TENM3: variants seen among roughly 807,000 people sequenced by gnomAD.
The protein encoded by TENM3 is teneurin-3.
In TENM3, 63 loss-of-function variants were observed where a neutral mutation model predicts 255.1. The ratio of observed to expected loss-of-function variants is 0.25; its 90% CI spans 0.20 to 0.30. The LOEUF (loss-of-function observed/expected upper bound fraction) is 0.30, where lower values mean the gene tolerates loss of function less well. Among genes scored for constraint, TENM3 ranks in the 10% least tolerant of loss-of-function variants. The pLI, the probability that TENM3 is intolerant of heterozygous loss-of-function variation, is 1.00. For synonymous variants in TENM3, 1,306 were observed against 1,322.3 expected, an observed-to-expected ratio of 0.99 and a Z score of 0.27; for missense variants, 2,929 against 3,461.1, an observed-to-expected ratio of 0.85 and a Z score of 3.86.
At chr4:181,520,827 G>A in the TENM3 span, among the ~76,000 whole-genome samples, 1,411 of 152,162 alleles carry the variant, frequency 9.3e-3, 25 homozygotes, top group African/African-American at 0.032. Context: ...ACAATTTCAC[G>A]ACCCCAGAAG....
the TENM3 span, among the ~76,000 whole-genome samples, chr4:181,901,601 T>C: frequency 1.3e-5 from 2 of 152,228 alleles, no homozygotes; most frequent in African/African-American, 4.8e-5. Flanking sequence ...ATGTGCTCTA[T>C]AATATTTGCA....
the TENM3 span, among the ~76,000 whole-genome samples, chr4:181,739,110 A>G: frequency 1.3e-5 from 2 of 152,194 alleles, no homozygotes; most frequent in Non-Finnish European, 2.9e-5. Context: ...TTCAGTCAGA[A>G]GCTAGCCTGG....
At chr4:181,874,873 CA>C in the TENM3 span, among the ~76,000 whole-genome samples, 2 of 152,238 alleles carry the variant, frequency 1.3e-5, no homozygotes, top group Non-Finnish European at 2.9e-5. Flanking sequence ...GGCAGGGAGC[CA>C]GGACAAATAT....
upstream of TENM3, chr4:182,143,080 C>CT (rs1032767580): frequency 1.2e-4 from 20 of 166,898 alleles, no homozygotes; most frequent in Admixed American, 2.6e-4. This position sits in a 1 kb window ranked among gnomAD's most constrained non-coding sequence, Gnocchi z 4.3. Context: ...GAGCAGCAAA[C>CT]TTTTTTTTTC....
chr4:182,256,905 A>G (rs1464270114), intron 1 of TENM3, among the ~76,000 whole-genome samples: 2 of 152,086 alleles, frequency 1.3e-5, no homozygotes, highest in Non-Finnish European at 2.9e-5. Flanking sequence ...TGCTTTAAAA[A>G]TAATTATTAA....
chr4:181,450,471 G>A, the TENM3 span, among the ~76,000 whole-genome samples: 1 of 152,076 alleles, frequency 6.6e-6, no homozygotes, highest in African/African-American at 2.4e-5. Context: ...AATGAAAAAG[G>A]GCATCTGCTC....
the TENM3 span, among the ~76,000 whole-genome samples, chr4:181,573,789 A>C: frequency 2.6e-5 from 4 of 152,218 alleles, no homozygotes; most frequent in African/African-American, 9.6e-5. Flanking sequence ...TTTTAAAACA[A>C]AAACAGATAA....
intron 12 of TENM3, among the ~76,000 whole-genome samples, chr4:182,689,694 G>A (rs980460796): frequency 1.3e-5 from 2 of 152,172 alleles, no homozygotes; most frequent in East Asian, 1.9e-4. Flanking sequence ...GCAGCGAAAC[G>A]AATCGACATA....
chr4:182,089,372 C>T, the TENM3 span, among the ~76,000 whole-genome samples: 1 of 152,094 alleles, frequency 6.6e-6, no homozygotes, highest in South Asian at 2.1e-4. Context: ...ACCTAGGCAG[C>T]AGAGAAAAGG....
the TENM3 span, among the ~76,000 whole-genome samples, chr4:181,909,721 C>T: frequency 5.3e-5 from 8 of 152,106 alleles, no homozygotes; most frequent in African/African-American, 7.2e-5. Context: ...GCTAGGTGTT[C>T]GAGGGCAAAG....
chr4:181,609,103 GA>G, the TENM3 span, among the ~76,000 whole-genome samples: 3,043 of 152,122 alleles, frequency 0.02, 43 homozygotes, highest in South Asian at 0.034. Context: ...GAAGTAAGGG[GA>G]AAAAAAGGAG....
At chr4:181,761,223 G>A in the TENM3 span, among the ~76,000 whole-genome samples, 1 of 152,032 alleles carries the variant, frequency 6.6e-6, no homozygotes, top group East Asian at 1.9e-4. Flanking sequence ...GTCTTACAGT[G>A]TATTATCATT....
intron 1 of TENM3, among the ~76,000 whole-genome samples, chr4:182,287,677 G>A (rs1760827972): frequency 4.6e-5 from 7 of 151,484 alleles, no homozygotes; most frequent in South Asian, 2.1e-4. Flanking sequence ...GCAGTGGCGC[G>A]ATCTCGGCTC....
chr4:181,968,953 AC>A, the TENM3 span, among the ~76,000 whole-genome samples: 8 of 149,210 alleles, frequency 5.4e-5, no homozygotes, highest in Admixed American at 5.4e-4. Flanking sequence ...TAACTAGAAT[AC>A]CTCTCTTGTC....
At chr4:181,513,245 T>C in the TENM3 span, among the ~76,000 whole-genome samples, 1 of 152,038 alleles carries the variant, frequency 6.6e-6, no homozygotes, top group Non-Finnish European at 1.5e-5. Flanking sequence ...AAGTTCTCAA[T>C]CATTCATAAT....
At chr4:182,547,441 G>T (rs1201502687) in intron 3 of TENM3, among the ~76,000 whole-genome samples, 1 of 152,082 alleles carries the variant, frequency 6.6e-6, no homozygotes, top group East Asian at 1.9e-4. Flanking sequence ...ACTTTCACTT[G>T]TATAGTGTCC....
intron 2 of TENM3, among the ~76,000 whole-genome samples, chr4:182,335,494 CA>C (rs372965020): frequency 1.5e-3 from 80 of 52,388 alleles, no homozygotes; most frequent in African/African-American, 4.8e-3. Context: ...GACTCCGCCT[CA>C]AAAAAAAAAA....
chr4:181,749,817 A>G, the TENM3 span, among the ~76,000 whole-genome samples: 1 of 152,176 alleles, frequency 6.6e-6, no homozygotes, highest in African/African-American at 2.4e-5. Flanking sequence ...TGGCAAGACT[A>G]GAGTTAGCTT....
At chr4:182,100,656 T>TAC in the TENM3 span, among the ~76,000 whole-genome samples, 13 of 49,660 alleles carry the variant, frequency 2.6e-4, no homozygotes, top group East Asian at 5.9e-3. Flanking sequence ...TACACATATA[T>TAC]ACACATATAT....
Sources: allele counts gnomAD v4.1 joint callset (sites outside exome capture counted in the v4.1 genomes callset), GRCh38; gene constraint gnomAD v4.1.1; non-coding constraint Gnocchi (gnomAD v3.1); transcripts MANE v1.5; gene names NCBI Gene and HGNC (gene_info 2026-07-23, HGNC 2026-07-21).